Variants in GRAMD1B observed in about 807,000 individuals in gnomAD.
GRAMD1B encodes the protein GRAM domain containing 1B.
In GRAMD1B, 37 loss-of-function variants were observed where a neutral mutation model predicts 99.7. That is an observed-to-expected ratio of 0.37 (90% CI 0.29 to 0.49). The LOEUF is 0.49. GRAMD1B is among the 20% of genes least tolerant of loss of function. The pLI, the probability that GRAMD1B is intolerant of heterozygous loss-of-function variation, is 0.98. For missense variants in GRAMD1B, 888 were observed against 1,009.2 expected (o/e 0.88, Z 1.63); for synonymous variants, 427 against 387.6 (o/e 1.10, Z -1.19).
chr11:123,420,247 C>T (rs1279579629), intron 1 of GRAMD1B, among the ~76,000 whole-genome samples: 2 of 152,150 alleles, frequency 1.3e-5, no homozygotes, highest in African/African-American at 4.8e-5. Flanking sequence ...CTGCTTGGAG[C>T]CTTGAGTCTG....
At chr11:123,576,366 T>G (rs913264110) in intron 2 of GRAMD1B, among the ~76,000 whole-genome samples, 2 of 152,184 alleles carry the variant, frequency 1.3e-5, no homozygotes, top group Non-Finnish European at 2.9e-5. Context: ...AATCTCACAT[T>G]TCCTTTCCTT....
In GRAMD1B at chr11:123,548,315, T is replaced by TACAC. The variant is rs1468638521; in HGVS notation, c.453-29051_453-29050insCACA. Reference sequence around the variant, plus strand: ...AAATATATATATATATATATATATATATATATATATACACACACACACACA... The same window carrying TACAC: ...AAATATATATATATATATATATATATACACATATATATATACACACACACACACA... On this transcript the variant is annotated intron_variant, in intron 2 of 19. Transcript: ENST00000635736. Among the ~76,000 whole-genome samples, 34 of 91,176 alleles carry TACAC rather than the reference T, an allele frequency of 3.7e-4. No homozygotes were observed. In the East Asian group the frequency reaches 5.5e-3, roughly 15 times the overall value. 59.8% of individuals were successfully genotyped at this position (91,176 alleles called of 152,430 possible).
At chr11:123,532,279 C>T (rs1053353009) in intron 2 of GRAMD1B, among the ~76,000 whole-genome samples, 1 of 152,174 alleles carries the variant, frequency 6.6e-6, no homozygotes, top group African/African-American at 2.4e-5. Context: ...GCCCTTCTAC[C>T]GCAGTGGTCA....
chr11:123,472,969 C>T (rs1170825622), intron 1 of GRAMD1B, among the ~76,000 whole-genome samples: 1 of 152,226 alleles, frequency 6.6e-6, no homozygotes, highest in Non-Finnish European at 1.5e-5. Context: ...TTACAGGCTG[C>T]TCTTTGTTAG....
At chr11:123,505,189 A>T (rs1940293440) in intron 2 of GRAMD1B, among the ~76,000 whole-genome samples, 1 of 92,446 alleles carries the variant, frequency 1.1e-5, no homozygotes, top group Non-Finnish European at 2.1e-5. Context: ...AATGTCTTTA[A>T]AAAATATATT....
intron 2 of GRAMD1B, among the ~76,000 whole-genome samples, chr11:123,494,380 A>C (rs1446765855): frequency 1.3e-5 from 2 of 149,968 alleles, no homozygotes; most frequent in African/African-American, 4.9e-5. Flanking sequence ...ACATATGCTT[A>C]GGGGGTCACA....
rs1950601940 is a variant in GRAMD1B at position 123,591,135 on chromosome 11, G to A, written c.685-2947G>A. 1.3e-5 allele frequency: 4 copies of A among 309,894 alleles called. No individual in the cohort carries two copies. The highest frequency in any genetic ancestry group is 5.0e-5 in the East Asian group (1 of 19,902). 19.2% of individuals were successfully genotyped at this position (309,894 alleles called of 1,614,324 possible). A position where few individuals can be genotyped will look rare whatever the true frequency, so the allele number is the denominator to read the frequency against. ...ACCAGCCGAGAAGAAAGCAGAGCCC[G>A]CCATGGGAGACTGGCTGGCCAGCTT... is the stretch of plus-strand genomic sequence containing the variant. On this transcript the variant is annotated intron_variant, in intron 4 of 19. Coordinates refer to ENST00000635736, the MANE Select transcript of GRAMD1B (RefSeq NM_001387025.1). This position sits in a 1 kb window ranked among gnomAD's most constrained non-coding sequence, Gnocchi z 4.7.
At position 123,380,194 on chromosome 11, in the gene GRAMD1B, C is replaced by T. The variant is rs575342343; in HGVS notation, c.-176+21395C>T. Among the ~76,000 whole-genome samples, 305 of 152,308 alleles carry T rather than the reference C, an allele frequency of 2.0e-3. 1 individual carries two copies. Among genetic ancestry groups the T allele is most frequent in the African/African-American group, 7.3e-3 (302 of 41,562 alleles). On this transcript the variant is annotated intron_variant, in intron 1 of 20. Transcript: ENST00000638157. ...CTTCTAATTTCGATGACGTCCAGTT[C>T]ACTCACCCTTTATTGCTTGTCCTTT... is the stretch of plus-strand genomic sequence containing the variant.
chr11:123,526,199 C>A, intron 2 of GRAMD1B: 1 of 1,601,988 alleles, frequency 6.2e-7, no homozygotes, highest in Non-Finnish European at 8.5e-7. Context: ...AGGGCACCTT[C>A]CTCTTCTGCC....
At chr11:123,609,686 G>C (rs1421285083) in intron 12 of GRAMD1B, 109 bp from the exon 13 acceptor site, 6 of 658,948 alleles carry the variant, frequency 9.1e-6, no homozygotes, top group Non-Finnish European at 1.6e-5. Context: ...TCCTTTTGGG[G>C]GCCAGGCAGT....
intron 4 of GRAMD1B, among the ~76,000 whole-genome samples, chr11:123,585,184 G>C (rs1481222875): frequency 6.6e-6 from 1 of 152,216 alleles, no homozygotes; most frequent in Non-Finnish European, 1.5e-5. Flanking sequence ...GGACACACCA[G>C]GTTCTGCTGC....
intron 1 of GRAMD1B, among the ~76,000 whole-genome samples, chr11:123,473,703 T>TA (rs1237876367): frequency 6.6e-6 from 1 of 152,238 alleles, no homozygotes; most frequent in Non-Finnish European, 1.5e-5. Context: ...TGGGAGCTAT[T>TA]AAGCAGAAGT....
At chr11:123,450,601 T>G (rs1198504987) in intron 1 of GRAMD1B, among the ~76,000 whole-genome samples, 5 of 152,198 alleles carry the variant, frequency 3.3e-5, no homozygotes, top group African/African-American at 1.2e-4. Flanking sequence ...TTCTAAAATT[T>G]GGAAATCAAG....
intron 3 of GRAMD1B, among the ~76,000 whole-genome samples, chr11:123,579,525 C>G (rs1327135411): frequency 6.6e-6 from 1 of 152,168 alleles, no homozygotes; most frequent in East Asian, 1.9e-4. Flanking sequence ...TGGGCTCCAG[C>G]GGCTCGGCAG....
In GRAMD1B at chr11:123,511,417, A is replaced by G. The variant is rs181450086; in HGVS notation, c.452+30524A>G. ...GCTGCGCTGCTCAAACTCTGTGGGC[A>G]CGCTAGAGGGCGCTCCTGAGATAGC... is the stretch of plus-strand genomic sequence containing the variant. On this transcript the variant is annotated intron_variant, in intron 2 of 19. Coordinates refer to ENST00000635736, the MANE Select transcript of GRAMD1B (RefSeq NM_001387025.1). Among the ~76,000 whole-genome samples the G allele has an allele frequency of 1.3e-3, 199 of 152,248 alleles. 1 individual carries two copies. The highest frequency in any genetic ancestry group is 4.3e-4 in the Non-Finnish European group (29 of 68,028).
intron 2 of GRAMD1B, among the ~76,000 whole-genome samples, chr11:123,508,904 C>T (rs139044272): frequency 0.012 from 1,890 of 152,254 alleles, 46 homozygotes; most frequent in African/African-American, 0.042. Flanking sequence ...AGGCTGGTCT[C>T]CAACTCCAGA....
chr11:123,513,605 C>CTCTCTTTCTTTCTTT (rs1555050188), intron 2 of GRAMD1B, among the ~76,000 whole-genome samples: 1 of 31,770 alleles, frequency 3.1e-5, no homozygotes. Context: ...TTCCTTCCTT[C>CTCTCTTTCTTTCTTT]CTTCCTTCCT....
chr11:123,610,360 G>A lies in GRAMD1B; in HGVS notation c.1919+22G>A, dbSNP rs565364773. The A allele has an allele frequency of 6.2e-7, 1 of 1,612,912 alleles. No homozygotes were observed. Among genetic ancestry groups the A allele is most frequent in the South Asian group, 1.1e-5 (1 of 91,058 alleles). ...TCAGGTGTGGTGTGTGGAAGTCCCA[G>A]TGCGGTCAGACGGGGGTCCTTACCT... On this transcript the variant is annotated intron_variant, in intron 14 of 19. Transcript: ENST00000635736. This position sits in a 1 kb window ranked among gnomAD's most constrained non-coding sequence, Gnocchi z 4.1.
chr11:123,446,034 T>G (rs1247137056), intron 1 of GRAMD1B, among the ~76,000 whole-genome samples: 1 of 152,166 alleles, frequency 6.6e-6, no homozygotes, highest in Non-Finnish European at 1.5e-5. Flanking sequence ...GATCTTTGTT[T>G]TTGAGAGTAT....
Sources: allele counts gnomAD v4.1 joint callset (sites outside exome capture counted in the v4.1 genomes callset), GRCh38; gene constraint gnomAD v4.1.1; non-coding constraint Gnocchi (gnomAD v3.1); transcripts MANE v1.5; gene names NCBI Gene and HGNC (gene_info 2026-07-23, HGNC 2026-07-21).